THADA: variants seen among roughly 807,000 people sequenced by gnomAD.
THADA encodes the protein tRNA (32-2'-O)-methyltransferase regulator THADA.
Under a neutral mutation model 219.8 loss-of-function variants are expected in THADA, and 213 were observed. The observed-to-expected ratio is 0.97, with a 90% CI of 0.87 to 1.09. THADA has a LOEUF of 1.09. Among genes scored for constraint, THADA ranks in the 50% least tolerant of loss-of-function variants. The pLI is 0.00. For missense variants in THADA, 2,956 were observed against 2,311.3 expected (o/e 1.28, Z -5.72); for synonymous variants, 1,018 against 828.9 (o/e 1.23, Z -3.92).
intron 15 of THADA, chr2:43,564,915 A>C (rs1698488342): frequency 6.6e-6 from 1 of 152,258 alleles, no homozygotes; most frequent in African/African-American, 2.4e-5. Context: ...AAAAAGAGGC[A>C]TAATAACAAA....
intron 29 of THADA, among the ~76,000 whole-genome samples, chr2:43,391,275 T>C (rs974667139): frequency 1.3e-5 from 2 of 152,156 alleles, no homozygotes; most frequent in Non-Finnish European, 2.9e-5. Context: ...TGAGGACACA[T>C]CAAATGGCAA....
chr2:43,281,699 A>T (rs150897034), intron 35 of THADA, among the ~76,000 whole-genome samples: 2,552 of 152,096 alleles, frequency 0.017, 34 homozygotes, highest in Non-Finnish European at 0.029. Context: ...AGCCTCCCAA[A>T]GTGCTGGGAT....
At chr2:43,471,857 C>T (rs759117448) in intron 26 of THADA, among the ~76,000 whole-genome samples, 79 of 152,174 alleles carry the variant, frequency 5.2e-4, no homozygotes, top group South Asian at 2.1e-4. Context: ...TTCCAGCACA[C>T]TGTATGCTCC....
intron 31 of THADA, among the ~76,000 whole-genome samples, chr2:43,302,288 T>G (rs998400229): frequency 2.0e-5 from 3 of 152,094 alleles, no homozygotes; most frequent in Non-Finnish European, 4.4e-5. Flanking sequence ...CCATCGTACT[T>G]TTCCTAAGTT....
chr2:43,369,534 C>T (rs1336326266), intron 29 of THADA, among the ~76,000 whole-genome samples: 3 of 152,140 alleles, frequency 2.0e-5, no homozygotes, highest in African/African-American at 7.2e-5. Context: ...TTGTACATTA[C>T]GTCCCTCTCT....
At chr2:43,346,849 C>A (rs543031850) in intron 29 of THADA, among the ~76,000 whole-genome samples, 1 of 152,192 alleles carries the variant, frequency 6.6e-6, no homozygotes, top group Non-Finnish European at 1.5e-5. Flanking sequence ...ATCGTCATCA[C>A]TTTTGTTTGT....
intron 28 of THADA, among the ~76,000 whole-genome samples, chr2:43,406,235 G>T (rs1026001606): frequency 6.6e-6 from 1 of 152,198 alleles, no homozygotes; most frequent in African/African-American, 2.4e-5. Flanking sequence ...AATAAGGCAA[G>T]GAGATTTTCC....
intron 15 of THADA, 45 bp from the exon 16 acceptor site, chr2:43,560,430 G>C (rs376428705): frequency 7.1e-7 from 1 of 1,403,038 alleles, no homozygotes; most frequent in Non-Finnish European, 9.4e-7. Context: ...TGAACAAAAA[G>C]AAATCAGTCT....
intron 36 of THADA, among the ~76,000 whole-genome samples, chr2:43,272,212 G>A (rs1174980053): frequency 6.6e-6 from 1 of 152,238 alleles, no homozygotes; most frequent in South Asian, 2.1e-4. Flanking sequence ...GAGTGGCTAG[G>A]GGAGGAGCGG....
At chr2:43,462,320 T>C (rs955411936) in intron 26 of THADA, among the ~76,000 whole-genome samples, 3 of 152,138 alleles carry the variant, frequency 2.0e-5, no homozygotes, top group Admixed American at 2.0e-4. Context: ...CCAAAAAATG[T>C]CCATGAAAGC....
chr2:43,279,783 T>G lies in THADA; in HGVS notation c.5278A>C (p.Asn1760His), dbSNP rs1026221518. Reference sequence around the variant, plus strand: ...GAGGTACCTGTTGACTGGCAGGTATTTTCTTGTGACATGGCAGTTGTCACG... The same window carrying G: ...GAGGTACCTGTTGACTGGCAGGTATGTTCTTGTGACATGGCAGTTGTCACG... ...ETVTTAMSQE[N>H]TCQSTEFAFC... The change falls in exon 36 of 38, where the codon AAT becomes CAT. Residue 1760 changes from asparagine (N) to histidine (H), a missense_variant. Physicochemically the swap from Asn to His is moderately conservative, Grantham distance 68. Coordinates refer to ENST00000405975, the MANE Select transcript of THADA (RefSeq NM_022065.5). 9 of 1,550,388 alleles carry G rather than the reference T, an allele frequency of 5.8e-6. No homozygotes were observed. The African/African-American group carries it at 1.2e-4, about 21-fold the overall frequency.
chr2:43,594,413 G>A (rs1260660515), intron 1 of THADA, among the ~76,000 whole-genome samples: 1 of 151,858 alleles, frequency 6.6e-6, no homozygotes, highest in East Asian at 1.9e-4. Context: ...AACCCCGTCT[G>A]CACTAACTAA....
At position 43,556,422 on chromosome 2, in the gene THADA, G is replaced by T. The variant is rs1454083087; in HGVS notation, c.2597C>A (p.Ser866Tyr). ...TGCAACTTGCTGAGTTAAGTAGGCA[G>T]ACAAGGATGACGGTAGAGCATCCTG... ...IWQDALPSSL[S>Y]AYLTQQVACD... The change falls in exon 17 of 38, where the codon TCT (serine) becomes TAT (tyrosine). Residue 866 changes from serine (S) to tyrosine (Y), a missense_variant. By Grantham distance (144) the Ser-to-Tyr change is moderately radical. Coordinates refer to ENST00000405975, the MANE Select transcript of THADA (RefSeq NM_022065.5). 6.2e-7 allele frequency: 1 copy of T among 1,613,760 alleles called. No individual in the cohort carries two copies. The highest frequency in any genetic ancestry group is 8.5e-7 in the Non-Finnish European group (1 of 1,179,850).
intron 26 of THADA, among the ~76,000 whole-genome samples, chr2:43,451,344 T>A (rs911469288): frequency 6.6e-6 from 1 of 152,174 alleles, no homozygotes; most frequent in African/African-American, 2.4e-5. Context: ...ATTTCCTCAT[T>A]TCCTATTATC....
At chr2:43,548,170 C>A (rs111884754) in intron 20 of THADA, among the ~76,000 whole-genome samples, 6,901 of 152,270 alleles carry the variant, frequency 0.045, 204 homozygotes, top group Non-Finnish European at 0.073. Context: ...GCGGTGGCTG[C>A]AGAACAGCGG....
chr2:43,320,662 T>C (rs1434033873), intron 30 of THADA, 122 bp from the exon 31 acceptor site: 1 of 620,248 alleles, frequency 1.6e-6, no homozygotes, highest in East Asian at 2.7e-5. Flanking sequence ...ATGGCAAATA[T>C]TAAGAAATGA....
intron 22 of THADA, among the ~76,000 whole-genome samples, chr2:43,527,561 G>A (rs115020026): frequency 0.01 from 1,534 of 151,718 alleles, 27 homozygotes; most frequent in African/African-American, 0.035. Flanking sequence ...CAAACACCAA[G>A]TAATTTTCAA....
chr2:43,563,075 TTCTAA>T (rs1698262365), intron 15 of THADA: 1 of 152,314 alleles, frequency 6.6e-6, no homozygotes, highest in East Asian at 1.9e-4. Context: ...TTTATCTCTG[TTCTAA>T]TCTTTTTGTT....
chr2:43,573,063 C>T, intron 11 of THADA, 71 bp from the exon 12 acceptor site: 1 of 1,220,256 alleles, frequency 8.2e-7, no homozygotes. Flanking sequence ...TGCTAATTTT[C>T]ATGTTTCCAA....
Sources: gnomAD v4.1 joint callset for allele counts (sites outside exome capture counted in the v4.1 genomes callset) on GRCh38, gnomAD v4.1.1 for gene constraint, MANE v1.5 for transcripts, NCBI Gene and HGNC (gene_info 2026-07-23, HGNC 2026-07-21) for gene names.